Variants in CCSER1 observed in about 807,000 individuals in gnomAD.
The protein encoded by CCSER1 is serine-rich coiled-coil domain-containing protein 1.
Under a neutral mutation model 82.0 loss-of-function variants are expected in CCSER1, and 41 were observed. That is an observed-to-expected ratio of 0.50 (90% CI 0.39 to 0.65). CCSER1 has a LOEUF of 0.65. CCSER1 is among the 30% of genes least tolerant of loss of function. The probability of loss-of-function intolerance (pLI) is 0.00; values close to 1 mark genes in which losing one functional copy is unlikely to be tolerated. For synonymous variants in CCSER1, 414 were observed against 383.9 expected (o/e 1.08, Z -0.92); for missense variants, 1,119 against 1,064.2 (o/e 1.05, Z -0.72).
intron 6 of CCSER1, among the ~76,000 whole-genome samples, chr4:90,702,703 G>T (rs762131962): frequency 6.6e-6 from 1 of 152,132 alleles, no homozygotes; most frequent in Non-Finnish European, 1.5e-5. Flanking sequence ...AGTCTTGGGA[G>T]GGTGTATGTG....
chr4:90,968,513 G>C (rs1300926764), intron 9 of CCSER1, among the ~76,000 whole-genome samples: 1 of 151,964 alleles, frequency 6.6e-6, no homozygotes, highest in Non-Finnish European at 1.5e-5. Context: ...AACTGCCCTA[G>C]GGAGAAAATA....
intron 5 of CCSER1, among the ~76,000 whole-genome samples, chr4:90,487,498 A>G (rs1275881253): frequency 6.6e-6 from 1 of 152,212 alleles, no homozygotes; most frequent in Non-Finnish European, 1.5e-5. Context: ...TTTATCATAT[A>G]GGTTTTCAAA....
intron 1 of CCSER1, among the ~76,000 whole-genome samples, chr4:90,198,495 T>G (rs1737025747): frequency 6.6e-6 from 1 of 152,166 alleles, no homozygotes; most frequent in African/African-American, 2.4e-5. Context: ...AACAGATTTT[T>G]TTTAAACTTT....
intron 1 of CCSER1, among the ~76,000 whole-genome samples, chr4:90,273,018 CA>C (rs199498597): frequency 1.4e-5 from 2 of 145,730 alleles, no homozygotes; most frequent in African/African-American, 2.7e-5. Flanking sequence ...AACAAACAAA[CA>C]AACAAAAAAA....
intron 5 of CCSER1, among the ~76,000 whole-genome samples, chr4:90,592,725 G>A (rs1420475303): frequency 1.3e-5 from 2 of 151,832 alleles, no homozygotes; most frequent in African/African-American, 2.4e-5. Context: ...TTGAATTAGA[G>A]TAGGGGAATT....
At chr4:90,310,563 CTG>C (rs1357977482) in intron 2 of CCSER1, among the ~76,000 whole-genome samples, 1 of 152,064 alleles carries the variant, frequency 6.6e-6, no homozygotes, top group African/African-American at 2.4e-5. Context: ...CAAAGATAAA[CTG>C]TGTGTCCACA....
At chr4:91,480,269 G>T (rs1374571938) in intron 10 of CCSER1, among the ~76,000 whole-genome samples, 5 of 152,142 alleles carry the variant, frequency 3.3e-5, no homozygotes, top group Admixed American at 1.3e-4. Context: ...GTAATGGGAT[G>T]GCTGGGTCAA....
chr4:91,562,746 G>A (rs1392638779), intron 10 of CCSER1, among the ~76,000 whole-genome samples: 1 of 151,478 alleles, frequency 6.6e-6, no homozygotes, highest in East Asian at 1.9e-4. Flanking sequence ...AAATTATTTT[G>A]AAATGGCAAA....
At chr4:91,552,539 G>T (rs1438060607) in intron 10 of CCSER1, among the ~76,000 whole-genome samples, 2 of 151,552 alleles carry the variant, frequency 1.3e-5, no homozygotes, top group African/African-American at 4.9e-5. Flanking sequence ...AGAGCTAGAG[G>T]TCCCTCTAAG....
chr4:90,777,251 G>C (rs546925846), intron 7 of CCSER1, among the ~76,000 whole-genome samples: 90 of 151,726 alleles, frequency 5.9e-4, no homozygotes, highest in African/African-American at 2.2e-3. Flanking sequence ...CAGCTACTTG[G>C]GGGGCTGAGG....
At chr4:91,013,214 T>A (rs1409061852) in intron 9 of CCSER1, among the ~76,000 whole-genome samples, 1 of 134,564 alleles carries the variant, frequency 7.4e-6, no homozygotes, top group Admixed American at 7.4e-5. Flanking sequence ...TATGTTTAAG[T>A]CTTTAATTCA....
intron 7 of CCSER1, among the ~76,000 whole-genome samples, chr4:90,779,410 T>TA (rs1195079684): frequency 1.6e-4 from 24 of 150,356 alleles, no homozygotes; most frequent in South Asian, 1.5e-3. Flanking sequence ...TCATCATACT[T>TA]TAAAAAAAAA....
At position 90,933,000 on chromosome 4, in the gene CCSER1, G is replaced by C. The variant is rs1269432208; in HGVS notation, c.2172+9553G>C. On this transcript the variant is annotated intron_variant, in intron 9 of 10. Coordinates refer to ENST00000509176, the MANE Select transcript of CCSER1 (RefSeq NM_001145065.2). ...AAAGAAAGAGAAAGAAAGAAAGAAA[G>C]AAAGAAAGAAAGAAAGAAAGAAAGA... 3.2e-5 allele frequency among the ~76,000 whole-genome samples: 2 copies of C among 63,284 alleles called. 1 individual carries two copies. The highest frequency in any genetic ancestry group is 5.6e-5 in the Non-Finnish European group (2 of 35,664). The allele number at this position is 63,284 out of a possible 152,430, so 41.5% of individuals were successfully genotyped here.
chr4:90,862,907 C>CTT (rs548953621), intron 8 of CCSER1, among the ~76,000 whole-genome samples: 4,033 of 122,038 alleles, frequency 0.033, 156 homozygotes, highest in African/African-American at 0.099. Flanking sequence ...TATTTTTTGT[C>CTT]TTTTTTTTTT....
intron 5 of CCSER1, among the ~76,000 whole-genome samples, chr4:90,496,105 T>A (rs1256263300): frequency 6.6e-6 from 1 of 152,210 alleles, no homozygotes; most frequent in Non-Finnish European, 1.5e-5. Flanking sequence ...GAACATAATT[T>A]ATTAATAGAT....
At chr4:91,072,169 G>T (rs1232083038) in intron 9 of CCSER1, among the ~76,000 whole-genome samples, 1 of 152,110 alleles carries the variant, frequency 6.6e-6, no homozygotes, top group Non-Finnish European at 1.5e-5. Context: ...GATGAGAACT[G>T]CTAGAAAACT....
At chr4:90,267,864 C>T (rs1169619517) in intron 1 of CCSER1, among the ~76,000 whole-genome samples, 1 of 152,084 alleles carries the variant, frequency 6.6e-6, no homozygotes, top group Non-Finnish European at 1.5e-5. Flanking sequence ...GGAAAACCTT[C>T]CCAAGAAGGG....
intron 9 of CCSER1, among the ~76,000 whole-genome samples, chr4:91,005,217 C>A (rs1738395857): frequency 6.6e-6 from 1 of 152,110 alleles, no homozygotes; most frequent in Admixed American, 6.5e-5. Context: ...CTTTTTCCAC[C>A]AAACTACTTA....
At chr4:90,727,284 C>T (rs1455001525) in intron 7 of CCSER1, 1 of 456,016 alleles carries the variant, frequency 2.2e-6, no homozygotes, top group Non-Finnish European at 4.4e-6. Context: ...CAAAGGATAA[C>T]CAATTTTGCA....
Sources: allele counts gnomAD v4.1 joint callset (sites outside exome capture counted in the v4.1 genomes callset), GRCh38; gene constraint gnomAD v4.1.1; transcripts MANE v1.5; gene names NCBI Gene and HGNC (gene_info 2026-07-23, HGNC 2026-07-21).